The following LRRTM4 variants were observed in gnomAD, a reference collection of about 807,000 sequenced individuals.
LRRTM4 encodes the protein leucine-rich repeat transmembrane neuronal protein 4.
Under a neutral mutation model 47.6 loss-of-function variants are expected in LRRTM4, and 25 were observed. The observed-to-expected ratio is 0.53, with a 90% CI of 0.38 to 0.73. The LOEUF (loss-of-function observed/expected upper bound fraction) is 0.73, where lower values mean the gene tolerates loss of function less well. Among genes scored for constraint, LRRTM4 ranks in the 30% least tolerant of loss-of-function variants. The pLI is 0.00. For missense variants in LRRTM4, 638 were observed against 713.4 expected (o/e 0.89, Z 1.20); for synonymous variants, 311 against 269.5 (o/e 1.15, Z -1.51).
intron 3 of LRRTM4, among the ~76,000 whole-genome samples, chr2:77,197,958 C>A (rs1394227407): frequency 6.6e-6 from 1 of 152,018 alleles, no homozygotes; most frequent in East Asian, 1.9e-4. Context: ...TTTCTTTTTC[C>A]TGCTTAAGAG....
At chr2:77,416,486 G>A (rs1558733260) in intron 3 of LRRTM4, among the ~76,000 whole-genome samples, 1 of 152,148 alleles carries the variant, frequency 6.6e-6, no homozygotes, top group East Asian at 1.9e-4. Flanking sequence ...GTTTGTTCAT[G>A]AACATATGCT....
intron 3 of LRRTM4, among the ~76,000 whole-genome samples, chr2:77,145,241 T>G (rs1199584011): frequency 6.9e-6 from 1 of 144,430 alleles, no homozygotes; most frequent in Admixed American, 7.2e-5. Flanking sequence ...CATAGATATA[T>G]ATATCTATAT....
At chr2:77,232,975 C>A (rs943187897) in intron 3 of LRRTM4, among the ~76,000 whole-genome samples, 13 of 152,198 alleles carry the variant, frequency 8.5e-5, no homozygotes, top group East Asian at 3.9e-4. Flanking sequence ...ACAAAAAAAT[C>A]TTTAAAAGAA....
chr2:77,196,600 C>G (rs938258463), intron 3 of LRRTM4, among the ~76,000 whole-genome samples: 1 of 151,898 alleles, frequency 6.6e-6, no homozygotes, highest in African/African-American at 2.4e-5. Flanking sequence ...AAAAATTAGC[C>G]GGGTATGGTA....
intron 3 of LRRTM4, among the ~76,000 whole-genome samples, chr2:76,809,260 T>C (rs1322906349): frequency 6.6e-6 from 1 of 152,234 alleles, no homozygotes; most frequent in African/African-American, 2.4e-5. Flanking sequence ...TTTTGTGTTG[T>C]AAGCTTTACA....
At chr2:77,135,461 G>T (rs1346604026) in intron 3 of LRRTM4, among the ~76,000 whole-genome samples, 2 of 152,132 alleles carry the variant, frequency 1.3e-5, no homozygotes, top group Non-Finnish European at 2.9e-5. Flanking sequence ...GGTCTTCTTG[G>T]ATCCTAAACT....
chr2:76,786,757 A>T (rs1001070585), intron 3 of LRRTM4, among the ~76,000 whole-genome samples: 10 of 149,688 alleles, frequency 6.7e-5, no homozygotes, highest in African/African-American at 2.4e-4. Context: ...AGATTGCAGA[A>T]AAAAAAAATG....
At position 76,837,076 on chromosome 2, in the gene LRRTM4, A is replaced by G. The variant is rs181124476; in HGVS notation, c.1552-88160T>C. On this transcript the variant is annotated intron_variant, in intron 3 of 3. Coordinates refer to ENST00000409884, the MANE Select transcript of LRRTM4 (RefSeq NM_001134745.3). ...GAATGGAAGATCCTGTTATTGGTCTATTCAGAGATTCAACTTCTTCCTGGT... is the reference window on the plus strand; with the variant it reads ...GAATGGAAGATCCTGTTATTGGTCTGTTCAGAGATTCAACTTCTTCCTGGT... 9.7e-4 allele frequency among the ~76,000 whole-genome samples: 147 copies of G among 152,268 alleles called. 1 individual carries two copies. The highest frequency in any genetic ancestry group is 3.2e-3 in the African/African-American group (133 of 41,568).
At chr2:76,876,794 TTATCTC>T (rs1351862187) in intron 3 of LRRTM4, among the ~76,000 whole-genome samples, 3 of 152,016 alleles carry the variant, frequency 2.0e-5, no homozygotes, top group South Asian at 2.1e-4. Context: ...TATTTGTACT[TTATCTC>T]TGTCAATTTT....
chr2:76,784,680 A>G (rs1674578814), intron 3 of LRRTM4, among the ~76,000 whole-genome samples: 1 of 152,100 alleles, frequency 6.6e-6, no homozygotes, highest in Non-Finnish European at 1.5e-5. Context: ...ATGCATGAAT[A>G]GCTTCCTAAG....
intron 3 of LRRTM4, among the ~76,000 whole-genome samples, chr2:77,267,756 A>C (rs1027764150): frequency 5.6e-4 from 71 of 127,560 alleles, no homozygotes; most frequent in African/African-American, 1.9e-3. Context: ...TGGACTATAC[A>C]TTTTATGATT....
At chr2:77,194,871 G>A (rs1220102548) in intron 3 of LRRTM4, among the ~76,000 whole-genome samples, 1 of 151,188 alleles carries the variant, frequency 6.6e-6, no homozygotes, top group African/African-American at 2.4e-5. Flanking sequence ...TACAGCTAAA[G>A]GTACTCACAT....
chr2:76,958,629 A>G (rs908212958), intron 3 of LRRTM4, among the ~76,000 whole-genome samples: 6 of 151,820 alleles, frequency 4.0e-5, no homozygotes, highest in African/African-American at 1.4e-4. Context: ...GGGTCTTCAT[A>G]ACTCTTGAAT....
At chr2:77,451,424 G>T (rs1676250871) in intron 3 of LRRTM4, among the ~76,000 whole-genome samples, 1 of 152,150 alleles carries the variant, frequency 6.6e-6, no homozygotes, top group African/African-American at 2.4e-5. Flanking sequence ...AACGGAACAT[G>T]GAGGTTCACT....
intron 3 of LRRTM4, among the ~76,000 whole-genome samples, chr2:77,108,459 A>G (rs2103927804): frequency 6.6e-6 from 1 of 152,198 alleles, no homozygotes; most frequent in East Asian, 1.9e-4. Context: ...CAAATTTAAA[A>G]ATAAACTGCA....
At chr2:77,309,696 T>C (rs1414867091) in intron 3 of LRRTM4, among the ~76,000 whole-genome samples, 3 of 148,484 alleles carry the variant, frequency 2.0e-5, no homozygotes, top group Non-Finnish European at 3.0e-5. Flanking sequence ...GATAGATAGA[T>C]AGATAGATAG....
intron 3 of LRRTM4, among the ~76,000 whole-genome samples, chr2:77,360,404 C>T (rs947166851): frequency 6.6e-6 from 1 of 151,946 alleles, no homozygotes; most frequent in Non-Finnish European, 1.5e-5. Context: ...TTGCAGTGAG[C>T]CAAGATCACG....
intron 3 of LRRTM4, among the ~76,000 whole-genome samples, chr2:76,893,001 A>T (rs559103003): frequency 1.3e-5 from 2 of 151,574 alleles, no homozygotes; most frequent in South Asian, 4.2e-4. Context: ...TTTGAGGAGT[A>T]TTACTTAATT....
chr2:77,073,267 T>G, intron 3 of LRRTM4, among the ~76,000 whole-genome samples: 1 of 152,174 alleles, frequency 6.6e-6, no homozygotes, highest in South Asian at 2.1e-4. Flanking sequence ...CATTTTAAAA[T>G]ATTACTTTAG....
Sources: gnomAD v4.1 joint callset for allele counts (sites outside exome capture counted in the v4.1 genomes callset) on GRCh38, gnomAD v4.1.1 for gene constraint, MANE v1.5 for transcripts, NCBI Gene and HGNC (gene_info 2026-07-23, HGNC 2026-07-21) for gene names.